SPOUT1: variants seen among roughly 807,000 people sequenced by gnomAD.
SPOUT1 encodes SPOUT domain containing methyltransferase 1.
A neutral mutation model predicts 54.8 loss-of-function variants in SPOUT1; 40 were observed. That is an observed-to-expected ratio of 0.73 (90% CI 0.57 to 0.95). The LOEUF is 0.95. Among genes scored for constraint, SPOUT1 ranks in the 40% least tolerant of loss-of-function variants. The pLI is 0.00. For synonymous variants in SPOUT1, 193 were observed against 200.3 expected, an observed-to-expected ratio of 0.96 and a Z score of 0.31; for missense variants, 437 against 499.5, an observed-to-expected ratio of 0.87 and a Z score of 1.19.
Position 128,823,810 on chromosome 9 carries a change from A to T in SPOUT1, c.999T>A (p.Ser333Arg), listed in dbSNP as rs762047134. Residue 333 changes from serine to arginine, a missense_variant, in exon 11 of 12, where the codon AGT becomes AGA. Physicochemically the swap from Ser to Arg is moderately radical, Grantham distance 110. Transcript: ENST00000361256. ...ADPNLEVAEP[S>R]VLFDLYVNTC... is the part of the protein sequence containing the mutation. Reference sequence around the variant, plus strand: ...TATTGACGTACAGGTCAAAGAGGACACTGGGTTCAGCCACCTCCAGGTTGG... The same window carrying T: ...TATTGACGTACAGGTCAAAGAGGACTCTGGGTTCAGCCACCTCCAGGTTGG... The T allele has an allele frequency of 6.2e-7, 1 of 1,610,806 alleles. No individual in the cohort carries two copies.
Position 128,822,353 on chromosome 9 carries a change from G to C in SPOUT1, c.*412C>G. On this transcript the variant is annotated 3_prime_UTR_variant, in exon 12 of 12. Coordinates refer to ENST00000361256, the MANE Select transcript of SPOUT1 (RefSeq NM_016390.4). ...GACAGAGGCTGATGGGAAATCCTAC[G>C]TAAAGTACCAGGTCATCGGCAAGAA... 6.2e-7 allele frequency: 1 copy of C among 1,613,856 alleles called. No individual in the cohort carries two copies. The highest frequency in any genetic ancestry group is 8.5e-7 in the Non-Finnish European group (1 of 1,179,954).
At chr9:128,824,010 C>T (rs1830184354) in intron 10 of SPOUT1, 62 bp downstream of exon 10, 3 of 1,578,838 alleles carry the variant, frequency 1.9e-6, no homozygotes, top group Non-Finnish European at 2.6e-6. Flanking sequence ...GCAGCTTCAC[C>T]CACCAGGCAG....
Position 128,819,790 on chromosome 9 carries a change from C to G in SPOUT1, c.*2975G>C, listed in dbSNP as rs919099864. On this transcript the variant is annotated 3_prime_UTR_variant, in exon 12 of 12. Coordinates refer to ENST00000361256, the MANE Select transcript of SPOUT1 (RefSeq NM_016390.4). ...GACAGTCCTATCTGGAGGTGATGGG[C>G]AACAACGACAGATCAGGCATTAGGT... 9 of 153,616 alleles carry G rather than the reference C, an allele frequency of 5.9e-5. No homozygotes were observed. The highest frequency in any genetic ancestry group is 1.9e-4 in the African/African-American group (8 of 41,450). 9.5% of individuals were successfully genotyped at this position (153,616 alleles called of 1,614,324 possible).
In SPOUT1 at chr9:128,828,792, C is replaced by T. The variant is rs1346184245; in HGVS notation, c.151G>A (p.Glu51Lys). 2.5e-6 allele frequency: 4 copies of T among 1,614,090 alleles called. No homozygotes were observed. The highest frequency in any genetic ancestry group is 3.4e-6 in the Non-Finnish European group (4 of 1,180,032). ...TCTTCCAGGCGCTTTGCCTGTTCCT[C>T]CTGTGCCCGCTGCCGCTCCAGTTTT... Reference protein sequence around the residue: ...MKKLERQRAQEEQAKRLEEEE... With the variant: ...MKKLERQRAQKEQAKRLEEEE... Residue 51 changes from glutamate (E) to lysine (K), a missense_variant, in exon 3 of 12, where the codon GAG becomes AAG. By Grantham distance (56) the Glu-to-Lys change is moderately conservative. Coordinates refer to ENST00000361256, the MANE Select transcript of SPOUT1 (RefSeq NM_016390.4).
rs1186005876 is a variant in SPOUT1, at chr9:128,822,253, G to A, written c.*512C>T. 2.6e-6 allele frequency: 4 copies of A among 1,549,080 alleles called. No individual in the cohort carries two copies. In the East Asian group the frequency reaches 6.8e-5, roughly 26 times the overall value. On this transcript the variant is annotated 3_prime_UTR_variant, in exon 12 of 12. Coordinates refer to ENST00000361256, the MANE Select transcript of SPOUT1 (RefSeq NM_016390.4). Reference sequence around the variant, plus strand: ...TTGACAGAAGTTAGAGGACAGATCAGGGAAGGCTGCCTGGAAGAGGTGGCT... The same window carrying A: ...TTGACAGAAGTTAGAGGACAGATCAAGGAAGGCTGCCTGGAAGAGGTGGCT...
chr9:128,825,007 T>C lies in SPOUT1; in HGVS notation c.682A>G (p.Thr228Ala), dbSNP rs1464803581. The part of the protein sequence containing the change: ...DKNLEPGLRV[T>A]VRLNQQQHPD... Reference sequence around the variant, plus strand: ...TGCTGCTGCTGGTTCAGTCGCACAGTCACCCGAAGCCCGGGCTCCAGGTTC... The same window carrying C: ...TGCTGCTGCTGGTTCAGTCGCACAGCCACCCGAAGCCCGGGCTCCAGGTTC... The change falls in exon 8 of 12, where the codon ACT (threonine) becomes GCT (alanine). Residue 228 changes from threonine (T) to alanine (A), a missense_variant. Physicochemically the swap from Thr to Ala is moderately conservative, Grantham distance 58. Transcript: ENST00000361256. 6.3e-7 allele frequency: 1 copy of C among 1,588,400 alleles called. No homozygotes were observed. Among genetic ancestry groups the C allele is most frequent in the Non-Finnish European group, 8.6e-7 (1 of 1,166,736 alleles).
Position 128,826,310 on chromosome 9 carries a change from G to A in SPOUT1, c.508+74C>T, listed in dbSNP as rs1830239616. 14 of 1,575,526 alleles carry A rather than the reference G, an allele frequency of 8.9e-6. No homozygotes were observed. The South Asian group carries it at 1.6e-4, about 17-fold the overall frequency. On this transcript the variant is annotated intron_variant, in intron 6 of 11. Coordinates refer to ENST00000361256, the MANE Select transcript of SPOUT1 (RefSeq NM_016390.4). The surrounding 1 kb of genome is among the most constrained non-coding windows in gnomAD (Gnocchi z 5.5). The stretch of plus-strand genomic sequence containing the variant: ...CCTGCTTTCCCACCTGGACAGCGCA[G>A]GGTAGGACTGGGTGGTCTCAGTGTC...
intron 3 of SPOUT1, among the ~76,000 whole-genome samples, chr9:128,827,810 T>C (rs1830270227): frequency 6.6e-6 from 1 of 151,922 alleles, no homozygotes; most frequent in Admixed American, 6.5e-5. Flanking sequence ...TAATCCCAGC[T>C]ACTCCGGAGG....
Position 128,820,648 on chromosome 9 carries a change from C to A in SPOUT1, c.*2117G>T. ...GCTTGTCTCACTGGATATCTCTGAG[C>A]CTGTCCATCCCCTCAGGACCTGGGG... On this transcript the variant is annotated 3_prime_UTR_variant, in exon 12 of 12. Coordinates refer to ENST00000361256, the MANE Select transcript of SPOUT1 (RefSeq NM_016390.4). 1.9e-6 allele frequency: 2 copies of A among 1,044,294 alleles called. No individual in the cohort carries two copies. Among genetic ancestry groups the A allele is most frequent in the Non-Finnish European group, 2.9e-6 (2 of 691,316 alleles). The allele number at this position is 1,044,294 out of a possible 1,614,324, so 64.7% of individuals were successfully genotyped here.
intron 2 of SPOUT1, 51 bp from the exon 3 acceptor site, chr9:128,828,911 G>C (rs537964194): frequency 1.2e-5 from 19 of 1,611,778 alleles, no homozygotes; most frequent in Admixed American, 1.7e-5. Flanking sequence ...CCACTCATTG[G>C]GTCAGCCTGG....
Position 128,822,470 on chromosome 9 carries a change from G to T in SPOUT1, c.*295C>A. 1 of 1,572,932 alleles carries T rather than the reference G, an allele frequency of 6.4e-7. No individual in the cohort carries two copies. Among genetic ancestry groups the T allele is most frequent in the Non-Finnish European group, 8.6e-7 (1 of 1,158,778 alleles). The stretch of plus-strand genomic sequence containing the variant: ...GCTCCGCACCTACGTGATGCCCAAC[G>T]CACCTGTGGATGAGGCCATCCCACT... On this transcript the variant is annotated 3_prime_UTR_variant, in exon 12 of 12. Transcript: ENST00000361256.
chr9:128,827,005 C>T (rs2997912), intron 4 of SPOUT1, 27 bp downstream of exon 4: 10 of 1,609,554 alleles, frequency 6.2e-6, no homozygotes, highest in Non-Finnish European at 8.5e-6. Context: ...TCCCTGAACC[C>T]TGGCACCCTG....
At position 128,820,557 on chromosome 9, in the gene SPOUT1, G is replaced by A; in HGVS notation, c.*2208C>T. 1.6e-6 allele frequency: 1 copy of A among 606,772 alleles called. No individual in the cohort carries two copies. 37.6% of individuals were successfully genotyped at this position (606,772 alleles called of 1,614,324 possible). ...GCTGTGGGAGGGACAGAGGGTGGTG[G>A]CTAGCACTCTATCAGCCCTGGGTTT... On this transcript the variant is annotated 3_prime_UTR_variant, in exon 12 of 12. Transcript: ENST00000361256.
rs561453935 is a variant in SPOUT1 at position 128,820,041 on chromosome 9, G to A, written c.*2724C>T. 6.6e-6 allele frequency: 1 copy of A among 152,380 alleles called. No individual in the cohort carries two copies. Among genetic ancestry groups the A allele is most frequent in the East Asian group, 1.9e-4 (1 of 5,190 alleles). The allele number at this position is 152,380 out of a possible 1,614,324, so 9.4% of individuals were successfully genotyped here. On this transcript the variant is annotated 3_prime_UTR_variant, in exon 12 of 12. Coordinates refer to ENST00000361256, the MANE Select transcript of SPOUT1 (RefSeq NM_016390.4). ...TACCGGTCTGTAGCCCAGGGGTTGG[G>A]GACCCCTAGTCTATAAAACCGTGAG...
In SPOUT1 at chr9:128,820,742, C is replaced by T; in HGVS notation, c.*2023G>A. On this transcript the variant is annotated 3_prime_UTR_variant, in exon 12 of 12. Transcript: ENST00000361256. ...TAAGCCCTATCTCTCCTACCAGGTG[C>T]CCCACCTCAACCAGAATGCCTGGAA... is the stretch of plus-strand genomic sequence containing the variant. The T allele has an allele frequency of 1.2e-6, 2 of 1,608,644 alleles. No individual in the cohort carries two copies. The highest frequency in any genetic ancestry group is 1.1e-5 in the South Asian group (1 of 89,966).
Position 128,823,977 on chromosome 9 carries a change from CCA to C in SPOUT1, c.915-85_915-84del, listed in dbSNP as rs995704512. The C allele has an allele frequency of 6.3e-6, 10 of 1,584,954 alleles. No homozygotes were observed. In the Admixed American group the frequency reaches 1.4e-4, roughly 22 times the overall value. On this transcript the variant is annotated intron_variant, in intron 10 of 11. Coordinates refer to ENST00000361256, the MANE Select transcript of SPOUT1 (RefSeq NM_016390.4). ...GCCCAGACCTCAGTCCCTCCCCACC[CCA>C]GACAGCAGGGGCCCATCTGTGCAGC...
intron 11 of SPOUT1, among the ~76,000 whole-genome samples, chr9:128,823,168 G>C (rs1035081665): frequency 1.3e-5 from 2 of 152,166 alleles, no homozygotes; most frequent in Non-Finnish European, 2.9e-5. Context: ...TCCTGCTGGG[G>C]GGTATGGCTG....
At chr9:128,829,698 C>G (rs1285313570) in intron 1 of SPOUT1, 47 bp downstream of exon 1, 1 of 1,450,260 alleles carries the variant, frequency 6.9e-7, no homozygotes, top group Non-Finnish European at 9.5e-7. Context: ...CTGGTTCTCA[C>G]GCCTCCACCA....
In SPOUT1 at chr9:128,822,397, A is replaced by C. The variant is rs781331249; in HGVS notation, c.*368T>G. 1 of 1,612,924 alleles carries C rather than the reference A, an allele frequency of 6.2e-7. No individual in the cohort carries two copies. The highest frequency in any genetic ancestry group is 1.1e-5 in the South Asian group (1 of 90,784). ...GCAAGAACCACGTGGCAGTGCCCAC[A>C]CACTTCTTCAAGGTGCTGATCCTGG... is the stretch of plus-strand genomic sequence containing the variant. On this transcript the variant is annotated 3_prime_UTR_variant, in exon 12 of 12. Coordinates refer to ENST00000361256, the MANE Select transcript of SPOUT1 (RefSeq NM_016390.4).
Sources: gnomAD v4.1 joint callset for allele counts (sites outside exome capture counted in the v4.1 genomes callset) on GRCh38, gnomAD v4.1.1 for gene constraint, Gnocchi (gnomAD v3.1) non-coding constraint, MANE v1.5 for transcripts, NCBI Gene and HGNC (gene_info 2026-07-23, HGNC 2026-07-21) for gene names.